CDK5RAP2: variants seen among roughly 807,000 people sequenced by gnomAD.
CDK5RAP2 encodes the protein CDK5 regulatory subunit associated protein 2.
CDK5RAP2 carries 147 observed loss-of-function variants against 232.9 expected under a neutral mutation model. That is an observed-to-expected ratio of 0.63 (90% confidence interval 0.55 to 0.72). CDK5RAP2 has a LOEUF of 0.72. CDK5RAP2 is among the 30% of genes least tolerant of loss of function. The probability of loss-of-function intolerance (pLI) is 0.00; values close to 1 mark genes in which losing one functional copy is unlikely to be tolerated. For synonymous variants in CDK5RAP2, 833 were observed against 833.7 expected (o/e 1.00, Z 0.01); for missense variants, 2,195 against 2,231.5 (o/e 0.98, Z 0.33).
intron 12 of CDK5RAP2, among the ~76,000 whole-genome samples, chr9:120,498,054 C>T (rs2039396681): frequency 6.6e-6 from 1 of 152,176 alleles, no homozygotes; most frequent in Admixed American, 6.5e-5. Flanking sequence ...ACCTGCTCTC[C>T]GTTATCTCAA....
intron 25 of CDK5RAP2, among the ~76,000 whole-genome samples, chr9:120,435,973 A>G (rs964512102): frequency 6.6e-6 from 1 of 152,226 alleles, no homozygotes; most frequent in Non-Finnish European, 1.5e-5. Context: ...AGAATCATCA[A>G]TATATGGTAA....
chr9:120,566,554 A>G (rs1471245997), intron 3 of CDK5RAP2, among the ~76,000 whole-genome samples: 1 of 152,246 alleles, frequency 6.6e-6, no homozygotes, highest in Non-Finnish European at 1.5e-5. Flanking sequence ...TAACAATAAC[A>G]GTAAGAAAAG....
chr9:120,549,595 T>A (rs943750396), intron 4 of CDK5RAP2, among the ~76,000 whole-genome samples: 1 of 152,144 alleles, frequency 6.6e-6, no homozygotes, highest in Non-Finnish European at 1.5e-5. Flanking sequence ...CCCTGTAAGA[T>A]GAAGATAAAC....
chr9:120,477,666 G>C (rs1350285987), intron 14 of CDK5RAP2, among the ~76,000 whole-genome samples: 1 of 152,168 alleles, frequency 6.6e-6, no homozygotes, highest in African/African-American at 2.4e-5. Context: ...ACAAAGCAGA[G>C]AGCTGAGCTT....
At chr9:120,437,274 C>T (rs769127465) in intron 25 of CDK5RAP2, 21 bp downstream of exon 25, 6 of 1,552,706 alleles carry the variant, frequency 3.9e-6, no homozygotes, top group African/African-American at 2.7e-5. Flanking sequence ...TCTTAAGACT[C>T]GCGTACCTCA....
intron 22 of CDK5RAP2, among the ~76,000 whole-genome samples, chr9:120,445,478 C>A (rs1423123287): frequency 6.6e-6 from 1 of 152,172 alleles, no homozygotes; most frequent in Non-Finnish European, 1.5e-5. Context: ...TCCAATCTCT[C>A]TCCTCCATTC....
intron 5 of CDK5RAP2, among the ~76,000 whole-genome samples, chr9:120,542,075 A>T (rs1435344411): frequency 6.6e-6 from 1 of 152,184 alleles, no homozygotes; most frequent in Non-Finnish European, 1.5e-5. Context: ...GGCAGATGTC[A>T]TATCCTGTCC....
chr9:120,528,129 G>A (rs2040989348), intron 9 of CDK5RAP2, among the ~76,000 whole-genome samples: 1 of 152,230 alleles, frequency 6.6e-6, no homozygotes, highest in Non-Finnish European at 1.5e-5. Context: ...GCTGGGTGAA[G>A]GGGAAGGGGA....
intron 25 of CDK5RAP2, among the ~76,000 whole-genome samples, chr9:120,425,835 A>G (rs1375724233): frequency 6.6e-6 from 1 of 152,202 alleles, no homozygotes; most frequent in Non-Finnish European, 1.5e-5. Context: ...CACTGAGGAT[A>G]CAGAGATGAA....
chr9:120,534,489 A>G (rs2041299719), intron 7 of CDK5RAP2, among the ~76,000 whole-genome samples: 1 of 152,088 alleles, frequency 6.6e-6, no homozygotes, highest in Admixed American at 6.5e-5. Context: ...ATAAGCTTCA[A>G]CTCAAACAAT....
At chr9:120,471,987 G>T in intron 15 of CDK5RAP2, 109 bp from the exon 16 acceptor site, 1 of 1,415,828 alleles carries the variant, frequency 7.1e-7, no homozygotes, top group Non-Finnish European at 9.9e-7. Context: ...TTTTTTTCTG[G>T]TTATAAAAGT....
In CDK5RAP2 at chr9:120,394,574, A is replaced by G. The variant is rs760807024; in HGVS notation, c.5516T>C (p.Leu1839Ser). 19 of 1,614,080 alleles carry G rather than the reference A, an allele frequency of 1.2e-5. No individual in the cohort carries two copies. Among genetic ancestry groups the G allele is most frequent in the Admixed American group, 1.7e-5 (1 of 60,008 alleles). The change falls in exon 36 of 38, where the codon TTG becomes TCG. Residue 1839 changes from leucine to serine, a missense_variant. By Grantham distance (145) the Leu-to-Ser change is moderately radical. Transcript: ENST00000349780. ...CTGCAAAAGCTTCATGGTGTTTTGCAACTTCTTTTCTTGTTCAAACAATTT... is the reference window on the plus strand; with the variant it reads ...CTGCAAAAGCTTCATGGTGTTTTGCGACTTCTTTTCTTGTTCAAACAATTT... Reference protein sequence around the residue: ...HKKLFEQEKKLQNTMKLLQLS... With the variant: ...HKKLFEQEKKSQNTMKLLQLS...
chr9:120,538,184 A>G (rs7022571), intron 6 of CDK5RAP2, among the ~76,000 whole-genome samples: 3,265 of 152,274 alleles, frequency 0.021, 137 homozygotes, highest in African/African-American at 0.075. Flanking sequence ...ACATAACCCC[A>G]AGACGACAAT....
chr9:120,484,594 C>A (rs2038494892), intron 14 of CDK5RAP2, among the ~76,000 whole-genome samples: 1 of 152,126 alleles, frequency 6.6e-6, no homozygotes, highest in South Asian at 2.1e-4. Context: ...CATGGTGGCA[C>A]ATGCGTAGAA....
rs1360782294 is a variant in CDK5RAP2 at position 120,401,848 on chromosome 9, G to A, written c.5307+958C>T. On this transcript the variant is annotated intron_variant, in intron 34 of 37. Transcript: ENST00000349780. ...AAAATACAAAAATCAGCCGGGCATGGTGGCAGGCGCCTGTAATCCCAGCTA... is the reference window on the plus strand; with the variant it reads ...AAAATACAAAAATCAGCCGGGCATGATGGCAGGCGCCTGTAATCCCAGCTA... 7.2e-5 allele frequency among the ~76,000 whole-genome samples: 11 copies of A among 152,100 alleles called. 1 individual carries two copies. The South Asian group carries it at 1.7e-3, about 23-fold the overall frequency.
intron 35 of CDK5RAP2, among the ~76,000 whole-genome samples, chr9:120,399,831 C>T (rs79830261): frequency 0.019 from 2,902 of 152,270 alleles, 83 homozygotes; most frequent in African/African-American, 0.063. Flanking sequence ...TGTATCCAAA[C>T]TTTGTCCCCA....
chr9:120,435,707 A>C (rs2035544011), intron 25 of CDK5RAP2, among the ~76,000 whole-genome samples: 1 of 152,232 alleles, frequency 6.6e-6, no homozygotes, highest in Non-Finnish European at 1.5e-5. Context: ...AAAGATGGAG[A>C]CATGTCAAAA....
intron 15 of CDK5RAP2, among the ~76,000 whole-genome samples, chr9:120,474,339 C>T (rs1204935211): frequency 6.6e-6 from 1 of 152,112 alleles, no homozygotes; most frequent in East Asian, 1.9e-4. Flanking sequence ...TGATTTTGCC[C>T]CCACCCGCCA....
intron 3 of CDK5RAP2, among the ~76,000 whole-genome samples, chr9:120,551,239 T>C (rs988692817): frequency 1.3e-5 from 2 of 152,132 alleles, no homozygotes; most frequent in African/African-American, 4.8e-5. Flanking sequence ...AAATGTAGAA[T>C]ACAAGGAACA....
Sources: allele counts gnomAD v4.1 joint callset (sites outside exome capture counted in the v4.1 genomes callset), GRCh38; gene constraint gnomAD v4.1.1; transcripts MANE v1.5; gene names NCBI Gene and HGNC (gene_info 2026-07-23, HGNC 2026-07-21).